Variants in NINL observed in about 807,000 individuals in gnomAD.
The protein encoded by NINL is ninein like.
A neutral mutation model predicts 160.3 loss-of-function variants in NINL; 153 were observed. That is an observed-to-expected ratio of 0.95 (90% CI 0.84 to 1.09). NINL has a LOEUF of 1.09. Among genes scored for constraint, NINL ranks in the 50% least tolerant of loss-of-function variants. NINL has a pLI of 0.00. For missense variants in NINL, 1,829 were observed against 1,764.0 expected, an observed-to-expected ratio of 1.04 and a Z score of -0.66; for synonymous variants, 800 against 734.8, an observed-to-expected ratio of 1.09 and a Z score of -1.43.
intron 1 of NINL, among the ~76,000 whole-genome samples, chr20:25,565,320 A>C (rs2064987730): frequency 7.0e-6 from 1 of 143,690 alleles, no homozygotes; most frequent in African/African-American, 2.5e-5. Context: ...TGAAAAATGA[A>C]GCCTCCAGTA....
chr20:25,546,603 A>G (rs1002263353), intron 1 of NINL, among the ~76,000 whole-genome samples: 1 of 152,146 alleles, frequency 6.6e-6, no homozygotes, highest in African/African-American at 2.4e-5. Flanking sequence ...CACAGGCCAA[A>G]GGTTAATTCC....
intron 1 of NINL, among the ~76,000 whole-genome samples, chr20:25,549,066 C>G (rs1377890689): frequency 1.5e-5 from 2 of 134,130 alleles, no homozygotes; most frequent in Admixed American, 7.2e-5. Context: ...CTGACCCCGG[C>G]ACCCACGGCC....
intron 11 of NINL, 59 bp downstream of exon 11, chr20:25,491,292 G>C: frequency 6.5e-7 from 1 of 1,538,536 alleles, no homozygotes; most frequent in Non-Finnish European, 8.8e-7. Flanking sequence ...GGATGACGTG[G>C]GTGTGGGGAA....
chr20:25,496,644 A>G lies in NINL; in HGVS notation c.1310+19T>C, dbSNP rs1385444431. On this transcript the variant is annotated intron_variant, in intron 10 of 23. Transcript: ENST00000278886. Reference sequence around the variant, plus strand: ...GGGGAGGCCCAGGTAAGAATCCACCACCTGGGCCCAGAACCCACTTGATTT... The same window carrying G: ...GGGGAGGCCCAGGTAAGAATCCACCGCCTGGGCCCAGAACCCACTTGATTT... The G allele has an allele frequency of 1.9e-6, 3 of 1,603,286 alleles. No individual in the cohort carries two copies. The African/African-American group carries it at 4.4e-5, about 23-fold the overall frequency.
At position 25,513,028 on chromosome 20, in the gene NINL, T is replaced by C. The variant is rs370969441; in HGVS notation, c.278-22A>G. On this transcript the variant is annotated intron_variant, in intron 3 of 23. Transcript: ENST00000278886. ...GCAGCTGGAAAGGAAACAGGAAATTTGGTGGGGGTCCTTTATAGCAGTTCT... is the reference window on the plus strand; with the variant it reads ...GCAGCTGGAAAGGAAACAGGAAATTCGGTGGGGGTCCTTTATAGCAGTTCT... 595 of 1,589,668 alleles carry C rather than the reference T, an allele frequency of 3.7e-4. 3 individuals are homozygous for C. The South Asian group carries it at 5.8e-3, about 15-fold the overall frequency.
rs773028530 is a variant in NINL, at chr20:25,470,119, C to T, written c.3249-24G>A. On this transcript the variant is annotated intron_variant, in intron 17 of 23. Coordinates refer to ENST00000278886, the MANE Select transcript of NINL (RefSeq NM_025176.6). ...GTCTGCGTAAAAATTGAGAAAAGAC[C>T]GGTGAGCACTTGGGGAGCCACATGT... 3.1e-5 allele frequency: 49 copies of T among 1,595,966 alleles called. No individual in the cohort carries two copies. In the South Asian group the frequency reaches 3.7e-4, roughly 12 times the overall value.
rs117379459 is a variant in NINL at position 25,470,431 on chromosome 20, G to A, written c.3249-336C>T. Among the ~76,000 whole-genome samples, 1,299 of 152,356 alleles carry A rather than the reference G, an allele frequency of 8.5e-3. 13 individuals are homozygous for A. Among genetic ancestry groups the A allele is most frequent in the Middle Eastern group, 0.034 (10 of 294 alleles). On this transcript the variant is annotated intron_variant, in intron 17 of 23. Transcript: ENST00000278886. ...CTCTCACCAAACGTGTGTCCTGGTT[G>A]CCAGTGCTGGGCGTGAGTCCTCAGG...
intron 1 of NINL, among the ~76,000 whole-genome samples, chr20:25,564,694 C>A (rs1770183678): frequency 6.6e-6 from 1 of 151,852 alleles, no homozygotes; most frequent in African/African-American, 2.4e-5. Context: ...CTCAAGTGAT[C>A]CACCTGCCTC....
chr20:25,501,418 A>C (rs2063865786), intron 7 of NINL, among the ~76,000 whole-genome samples: 1 of 152,202 alleles, frequency 6.6e-6, no homozygotes, highest in Admixed American at 6.5e-5. Flanking sequence ...AGCACCAGGA[A>C]AGTCTCAGCT....
intron 22 of NINL, among the ~76,000 whole-genome samples, chr20:25,457,686 T>C (rs898731483): frequency 4.6e-5 from 7 of 152,202 alleles, no homozygotes; most frequent in African/African-American, 1.2e-4. Context: ...TGGTTCCTGA[T>C]CTCTCCTGAA....
intron 18 of NINL, among the ~76,000 whole-genome samples, chr20:25,468,636 C>A (rs1312808144): frequency 4.4e-4 from 61 of 140,210 alleles, no homozygotes; most frequent in African/African-American, 7.7e-4. Context: ...TGGGCGCCCC[C>A]CTGCCCTGTC....
rs777555231 is a variant in NINL, at chr20:25,517,812, A to G, written c.218T>C (p.Val73Ala). The stretch of plus-strand genomic sequence containing the variant: ...GCGAACACCAGCATTTGAAGACAAC[A>G]CAGCCACAAAACCTTCCTTAAATTC... The part of the protein sequence containing the change: ...FEEFKEGFVA[V>A]LSSNAGVRPS... The change falls in exon 3 of 24, where the codon GTG (valine) becomes GCG (alanine). Residue 73 changes from valine (V) to alanine (A), a missense_variant. Val to Ala is a moderately conservative substitution (Grantham distance 64). Transcript: ENST00000278886. The G allele has an allele frequency of 1.2e-6, 2 of 1,609,268 alleles. No individual in the cohort carries two copies. The highest frequency in any genetic ancestry group is 8.5e-7 in the Non-Finnish European group (1 of 1,178,872).
At chr20:25,551,692 A>G (rs1362409824) in intron 1 of NINL, among the ~76,000 whole-genome samples, 2 of 152,234 alleles carry the variant, frequency 1.3e-5, no homozygotes, top group African/African-American at 4.8e-5. Context: ...ATAACTGCTC[A>G]GCACCCGTAT....
intron 5 of NINL, 22 bp from the exon 6 acceptor site, chr20:25,505,100 A>G: frequency 6.5e-7 from 1 of 1,547,038 alleles, no homozygotes; most frequent in Non-Finnish European, 8.7e-7. Flanking sequence ...GAGGAGTCAC[A>G]GTTACACCCT....
At chr20:25,489,756 A>G (rs2063581857) in intron 12 of NINL, 119 bp downstream of exon 12, 1 of 764,744 alleles carries the variant, frequency 1.3e-6, no homozygotes, top group Non-Finnish European at 2.2e-6. Context: ...TTCATTCTAA[A>G]TTTTAGGAGA....
At chr20:25,471,256 G>A (rs1447905372) in intron 17 of NINL, among the ~76,000 whole-genome samples, 1 of 152,096 alleles carries the variant, frequency 6.6e-6, no homozygotes, top group Non-Finnish European at 1.5e-5. Flanking sequence ...AAAGTGCTGG[G>A]ATCACAGATG....
chr20:25,574,601 G>C (rs1358440147), intron 1 of NINL, among the ~76,000 whole-genome samples: 1 of 152,176 alleles, frequency 6.6e-6, no homozygotes, highest in African/African-American at 2.4e-5. Flanking sequence ...CTCCTAGACA[G>C]GTCCTGGAGC....
intron 1 of NINL, among the ~76,000 whole-genome samples, chr20:25,545,563 G>C (rs557497978): frequency 4.8e-4 from 73 of 152,186 alleles, no homozygotes; most frequent in African/African-American, 1.7e-3. Context: ...ATGACAGGAT[G>C]GGGGGTTGGA....
At chr20:25,559,724 C>T (rs759177979) in intron 1 of NINL, among the ~76,000 whole-genome samples, 3 of 151,896 alleles carry the variant, frequency 2.0e-5, no homozygotes, top group Admixed American at 2.0e-4. Flanking sequence ...ATGCAGCCTC[C>T]GAAGTAGCTG....
Sources: gnomAD v4.1 joint callset for allele counts (sites outside exome capture counted in the v4.1 genomes callset) on GRCh38, gnomAD v4.1.1 for gene constraint, MANE v1.5 for transcripts, NCBI Gene and HGNC (gene_info 2026-07-23, HGNC 2026-07-21) for gene names.